NR6A1: variants seen among roughly 807,000 people sequenced by gnomAD.
NR6A1 encodes retinoic acid receptor-related testis-associated receptor.
A neutral mutation model predicts 59.1 loss-of-function variants in NR6A1; 7 were observed. The ratio of observed to expected loss-of-function variants is 0.12; its 90% CI spans 0.07 to 0.22. The LOEUF (loss-of-function observed/expected upper bound fraction) is 0.22, where lower values mean the gene tolerates loss of function less well. Ranked by LOEUF, NR6A1 falls within the 10% of genes least tolerant of loss-of-function variation. NR6A1 has a pLI of 1.00. For synonymous variants in NR6A1, 243 were observed against 236.1 expected (o/e 1.03, Z -0.27); for missense variants, 468 against 611.6 (o/e 0.77, Z 2.48).
At position 124,630,396 on chromosome 9, in the gene NR6A1, T is replaced by G. The variant is rs80242421; in HGVS notation, c.143-75826A>C. Among the ~76,000 whole-genome samples the G allele has an allele frequency of 8.6e-3, 1,222 of 142,042 alleles. 14 individuals are homozygous for G. Among genetic ancestry groups the G allele is most frequent in the Non-Finnish European group, 0.011 (703 of 64,258 alleles). The allele number at this position is 142,042 out of a possible 152,430, so 93.2% of individuals were successfully genotyped here. A position where few individuals can be genotyped will look rare whatever the true frequency, so the allele number is the denominator to read the frequency against. On this transcript the variant is annotated intron_variant, in intron 2 of 9. Coordinates refer to ENST00000487099, the MANE Select transcript of NR6A1 (RefSeq NM_033334.4). ...GGCGCATGACACCACGCCTGGCTAA[T>G]TTTTTTTTTTTTGTATTTTTAGTAG...
rs897472836 is a variant in NR6A1 at position 124,564,069 on chromosome 9, C to T, written c.143-9499G>A. On this transcript the variant is annotated intron_variant, in intron 2 of 9. Transcript: ENST00000487099. The stretch of plus-strand genomic sequence containing the variant: ...CTCCAGCCTGGATGACAAAGCAAGA[C>T]GCTGTCTCTAAAAAAACCAACAACA... 3.9e-5 allele frequency among the ~76,000 whole-genome samples: 6 copies of T among 152,196 alleles called. No individual in the cohort carries two copies. The East Asian group carries it at 7.7e-4, about 20-fold the overall frequency.
At chr9:124,638,125 G>T (rs1243663478) in intron 2 of NR6A1, among the ~76,000 whole-genome samples, 1 of 151,654 alleles carries the variant, frequency 6.6e-6, no homozygotes, top group African/African-American at 2.4e-5. Flanking sequence ...GTGGTGGCTT[G>T]TGTACCTGTA....
At position 124,578,565 on chromosome 9, in the gene NR6A1, A is replaced by G. The variant is rs191544163; in HGVS notation, c.143-23995T>C. On this transcript the variant is annotated intron_variant, in intron 2 of 9. Transcript: ENST00000487099. Reference sequence around the variant, plus strand: ...TCCCTCCAAAACAGATCTAAAATCTATTCTCAATCTCCACTACTAAAAGCC... The same window carrying G: ...TCCCTCCAAAACAGATCTAAAATCTGTTCTCAATCTCCACTACTAAAAGCC... Among the ~76,000 whole-genome samples, 140 of 152,332 alleles carry G rather than the reference A, an allele frequency of 9.2e-4. 2 individuals are homozygous for G. Among genetic ancestry groups the G allele is most frequent in the Middle Eastern group, 3.4e-3 (1 of 294 alleles).
intron 1 of NR6A1, among the ~76,000 whole-genome samples, chr9:124,769,252 TA>T (rs11324073): frequency 0.59 from 83,072 of 141,866 alleles, 24,447 homozygotes; most frequent in African/African-American, 0.76. Flanking sequence ...ATACACAAAT[TA>T]AAAAAAAAAA....
chr9:124,627,434 A>G (rs1836277940), intron 2 of NR6A1, among the ~76,000 whole-genome samples: 1 of 152,210 alleles, frequency 6.6e-6, no homozygotes, highest in African/African-American at 2.4e-5. Context: ...AAACTCTAAG[A>G]AAACAAAAAG....
At chr9:124,645,532 A>G (rs1446060750) in intron 2 of NR6A1, among the ~76,000 whole-genome samples, 1 of 152,228 alleles carries the variant, frequency 6.6e-6, no homozygotes, top group Admixed American at 6.5e-5. Flanking sequence ...AGAGTGAGGA[A>G]AGTTATCAGG....
At chr9:124,679,359 T>C (rs947233611) in intron 2 of NR6A1, among the ~76,000 whole-genome samples, 3 of 152,172 alleles carry the variant, frequency 2.0e-5, no homozygotes, top group African/African-American at 7.2e-5. Flanking sequence ...ACTGACTACT[T>C]CCTATGTTAA....
At position 124,713,475 on chromosome 9, in the gene NR6A1, A is replaced by C. The variant is rs143579969; in HGVS notation, c.142+19833T>G. 1.9e-4 allele frequency among the ~76,000 whole-genome samples: 29 copies of C among 152,332 alleles called. No homozygotes were observed. The East Asian group carries it at 5.0e-3, about 26-fold the overall frequency. ...AAAAGCAACCTGCAGAATGGATGAA[A>C]ATATTTGCAAATCATGTATCTGTTA... On this transcript the variant is annotated intron_variant, in intron 2 of 9. Coordinates refer to ENST00000487099, the MANE Select transcript of NR6A1 (RefSeq NM_033334.4).
chr9:124,681,489 A>C (rs1029475160), intron 2 of NR6A1, among the ~76,000 whole-genome samples: 8 of 151,548 alleles, frequency 5.3e-5, no homozygotes, highest in Admixed American at 1.3e-4. Context: ...CTACAGGTGC[A>C]TGCCACCACA....
At chr9:124,653,421 T>C (rs568188823) in intron 2 of NR6A1, among the ~76,000 whole-genome samples, 1 of 152,218 alleles carries the variant, frequency 6.6e-6, no homozygotes, top group African/African-American at 2.4e-5. Context: ...TTTGTTTTGT[T>C]GTTGTTTTTT....
intron 2 of NR6A1, among the ~76,000 whole-genome samples, chr9:124,661,334 G>C (rs189604164): frequency 6.6e-6 from 1 of 152,174 alleles, no homozygotes; most frequent in Admixed American, 6.5e-5. Flanking sequence ...CGAGCAGGGG[G>C]AAACAGTACA....
chr9:124,727,000 A>G (rs1839741439), intron 2 of NR6A1, among the ~76,000 whole-genome samples: 1 of 152,206 alleles, frequency 6.6e-6, no homozygotes, highest in Non-Finnish European at 1.5e-5. Flanking sequence ...GTTTAACACT[A>G]AGCTCTTTTG....
intron 1 of NR6A1, among the ~76,000 whole-genome samples, chr9:124,742,194 C>G (rs1386931167): frequency 2.6e-5 from 4 of 152,184 alleles, no homozygotes; most frequent in Non-Finnish European, 4.4e-5. Flanking sequence ...TTGTCAGTAA[C>G]AGCCCAACTC....
chr9:124,618,724 C>A (rs951654643), intron 2 of NR6A1, among the ~76,000 whole-genome samples: 8 of 152,196 alleles, frequency 5.3e-5, no homozygotes, highest in African/African-American at 1.9e-4. Context: ...AGGCGAGACA[C>A]AACAACTATT....
chr9:124,678,162 A>G (rs975739542), intron 2 of NR6A1, among the ~76,000 whole-genome samples: 1 of 152,112 alleles, frequency 6.6e-6, no homozygotes, highest in Non-Finnish European at 1.5e-5. Context: ...TTCCAATTGC[A>G]TTTTCCTTAA....
chr9:124,637,585 T>G (rs1025513576), intron 2 of NR6A1, among the ~76,000 whole-genome samples: 9 of 152,060 alleles, frequency 5.9e-5, no homozygotes, highest in Admixed American at 5.9e-4. Flanking sequence ...CTCTACACCA[T>G]CTCCCAGAAA....
intron 1 of NR6A1, among the ~76,000 whole-genome samples, chr9:124,753,786 C>T (rs1363372786): frequency 6.6e-6 from 1 of 152,168 alleles, no homozygotes; most frequent in Admixed American, 6.5e-5. Flanking sequence ...ATATCAGAGA[C>T]AGGAGCATTT....
intron 2 of NR6A1, among the ~76,000 whole-genome samples, chr9:124,702,509 CAA>C (rs1002111293): frequency 1.3e-5 from 2 of 152,104 alleles, no homozygotes; most frequent in African/African-American, 4.8e-5. Flanking sequence ...CTGTTCCCTC[CAA>C]ATCATGTTGA....
intron 2 of NR6A1, among the ~76,000 whole-genome samples, chr9:124,617,211 T>C (rs1216017946): frequency 6.6e-6 from 1 of 152,196 alleles, no homozygotes; most frequent in African/African-American, 2.4e-5. Context: ...TCCCGTTGTT[T>C]ATTAGCACCA....
Sources: allele counts gnomAD v4.1 joint callset (sites outside exome capture counted in the v4.1 genomes callset), GRCh38; gene constraint gnomAD v4.1.1; transcripts MANE v1.5; gene names NCBI Gene and HGNC (gene_info 2026-07-23, HGNC 2026-07-21).